Variants in GRAMD4 observed in about 807,000 individuals in gnomAD.
GRAMD4 encodes the protein GRAM domain containing 4.
A neutral mutation model predicts 83.9 loss-of-function variants in GRAMD4; 25 were observed. That is an observed-to-expected ratio of 0.30 (90% CI 0.22 to 0.42). The LOEUF (loss-of-function observed/expected upper bound fraction) is 0.42. Among genes scored for constraint, GRAMD4 ranks in the 10% least tolerant of loss-of-function variants. The pLI, the probability that GRAMD4 is intolerant of heterozygous loss-of-function variation, is 1.00. For synonymous variants in GRAMD4, 336 were observed against 320.9 expected (o/e 1.05, Z -0.50); for missense variants, 593 against 788.7 (o/e 0.75, Z 2.97).
intron 2 of GRAMD4, among the ~76,000 whole-genome samples, chr22:46,632,025 A>G (rs1445367031): frequency 6.6e-6 from 1 of 151,990 alleles, no homozygotes; most frequent in East Asian, 1.9e-4. Context: ...GTGTCTTTTC[A>G]TCTCTGGCCG....
At chr22:46,661,330 T>C in intron 4 of GRAMD4, 51 bp from the exon 5 acceptor site, 1 of 1,456,832 alleles carries the variant, frequency 6.9e-7, no homozygotes, top group Non-Finnish European at 9.6e-7. Context: ...TGACTGGGCA[T>C]GGAGTTTGGA....
intron 10 of GRAMD4, 69 bp downstream of exon 10, chr22:46,666,942 C>A (rs1017846250): frequency 1.7e-6 from 2 of 1,161,044 alleles, no homozygotes; most frequent in Non-Finnish European, 2.4e-6. Context: ...AGCCTGTAGG[C>A]ACCGCTCGGG....
chr22:46,586,142 C>T (rs376643480), intron 1 of GRAMD4, among the ~76,000 whole-genome samples: 1 of 152,006 alleles, frequency 6.6e-6, no homozygotes, highest in East Asian at 1.9e-4. Flanking sequence ...GCCAGGGCTG[C>T]CCTCGCTGGG....
intron 18 of GRAMD4, 44 bp downstream of exon 18, chr22:46,676,712 A>G (rs752667805): frequency 4.0e-6 from 6 of 1,517,700 alleles, no homozygotes; most frequent in East Asian, 4.9e-5. Context: ...GTGTGGGCCC[A>G]GGGGCCTGAC....
chr22:46,661,238 A>C, intron 4 of GRAMD4, 143 bp from the exon 5 acceptor site: 1 of 626,930 alleles, frequency 1.6e-6, no homozygotes, highest in East Asian at 2.6e-5. Flanking sequence ...CCAGCATTTC[A>C]GCAGTGGAGA....
At chr22:46,639,153 AGTGTGTGTGT>A (rs3081630) in intron 3 of GRAMD4, among the ~76,000 whole-genome samples, 35 of 149,726 alleles carry the variant, frequency 2.3e-4, no homozygotes, top group African/African-American at 4.2e-4. Context: ...TGTGTGCGTG[AGTGTGTGTGT>A]GTGTGTGTGT....
At chr22:46,647,907 C>T (rs2082093966) in intron 3 of GRAMD4, among the ~76,000 whole-genome samples, 1 of 152,248 alleles carries the variant, frequency 6.6e-6, no homozygotes, top group African/African-American at 2.4e-5. Context: ...TCCTGATGTC[C>T]CAGCTCTGTA....
Position 46,622,739 on chromosome 22 carries a change from C to G in GRAMD4, c.-50+2174C>G, listed in dbSNP as rs2081593642. On this transcript the variant is annotated intron_variant, in intron 1 of 18. Transcript: ENST00000406902. The surrounding 1 kb of genome is among the most constrained non-coding windows in gnomAD (Gnocchi z 4.0). ...CCATCCTGGCTAACATGGCGAAACT[C>G]CGTCTCTACTAAAAATACAAAAAAT... Among the ~76,000 whole-genome samples the G allele has an allele frequency of 6.6e-6, 1 of 152,058 alleles. No individual in the cohort carries two copies. Among genetic ancestry groups the G allele is most frequent in the Non-Finnish European group, 1.5e-5 (1 of 68,014 alleles).
chr22:46,577,887 A>G (rs1056413326), intron 1 of GRAMD4, among the ~76,000 whole-genome samples: 2 of 152,196 alleles, frequency 1.3e-5, no homozygotes. Flanking sequence ...TGCGCCTGCC[A>G]GAACGTGGGG....
intron 1 of GRAMD4, among the ~76,000 whole-genome samples, chr22:46,599,502 T>C (rs1000256600): frequency 2.0e-5 from 3 of 151,896 alleles, no homozygotes; most frequent in African/African-American, 4.8e-5. Flanking sequence ...TATTTTTGTA[T>C]TTTTAGTAGA....
chr22:46,612,817 C>T (rs1053082573), intron 1 of GRAMD4, among the ~76,000 whole-genome samples: 1 of 152,240 alleles, frequency 6.6e-6, no homozygotes, highest in African/African-American at 2.4e-5. Context: ...AGTGGGTGGC[C>T]GAAGGCTGCT....
At chr22:46,663,530 A>G (rs2082362473) in intron 6 of GRAMD4, among the ~76,000 whole-genome samples, 1 of 152,154 alleles carries the variant, frequency 6.6e-6, no homozygotes, top group Non-Finnish European at 1.5e-5. Context: ...GGGGGTCCCG[A>G]GGGAGCTAGG....
Position 46,620,716 on chromosome 22 carries a change from C to T in GRAMD4, c.-50+151C>T, listed in dbSNP as rs1248840042. Among the ~76,000 whole-genome samples the T allele has an allele frequency of 1.3e-5, 2 of 152,118 alleles. No individual in the cohort carries two copies. Among genetic ancestry groups the T allele is most frequent in the Non-Finnish European group, 2.9e-5 (2 of 68,004 alleles). The stretch of plus-strand genomic sequence containing the variant: ...ATCTTGATCTTGAAAGGCAGGCTCC[C>T]TCCCAAGGCCGGGTGCAGGCCAGAC... On this transcript the variant is annotated intron_variant, in intron 1 of 18. Coordinates refer to ENST00000406902, the MANE Select transcript of GRAMD4 (RefSeq NM_015124.5). This position sits in a 1 kb window ranked among gnomAD's most constrained non-coding sequence, Gnocchi z 4.7.
At chr22:46,607,747 G>A (rs1443045727) in intron 1 of GRAMD4, among the ~76,000 whole-genome samples, 2 of 152,200 alleles carry the variant, frequency 1.3e-5, no homozygotes, top group Non-Finnish European at 2.9e-5. Context: ...TGCTCGGAAT[G>A]GGACCGAGTG....
At chr22:46,613,976 C>A (rs1477721311) in intron 1 of GRAMD4, among the ~76,000 whole-genome samples, 1 of 152,204 alleles carries the variant, frequency 6.6e-6, no homozygotes, top group Non-Finnish European at 1.5e-5. Flanking sequence ...GTCATGGCCG[C>A]GGCTGCAGCA....
intron 2 of GRAMD4, among the ~76,000 whole-genome samples, chr22:46,634,108 G>A (rs181661356): frequency 3.9e-4 from 60 of 152,352 alleles, no homozygotes; most frequent in African/African-American, 1.4e-3. Context: ...AACAGAGTAA[G>A]TGAAGTATTT....
chr22:46,608,631 A>G (rs918255071), intron 1 of GRAMD4, among the ~76,000 whole-genome samples: 8 of 152,178 alleles, frequency 5.3e-5, no homozygotes, highest in Non-Finnish European at 1.2e-4. Flanking sequence ...GTGAGCCAAG[A>G]TTGCATTACT....
At position 46,677,490 on chromosome 22, in the gene GRAMD4, C is replaced by G; in HGVS notation, c.*239C>G. The G allele has an allele frequency of 7.8e-7, 1 of 1,284,678 alleles. No individual in the cohort carries two copies. The highest frequency in any genetic ancestry group is 9.9e-7 in the Non-Finnish European group (1 of 1,012,306). 79.6% of individuals were successfully genotyped at this position (1,284,678 alleles called of 1,614,324 possible). A position where few individuals can be genotyped will look rare whatever the true frequency, so the allele number is the denominator to read the frequency against. ...CACGTCAGGTGCCTCTGAGGGCCACCCGCAGACTGGGGGAGGGGGCAGAGG... is the reference window on the plus strand; with the variant it reads ...CACGTCAGGTGCCTCTGAGGGCCACGCGCAGACTGGGGGAGGGGGCAGAGG... On this transcript the variant is annotated 3_prime_UTR_variant, in exon 19 of 19. Coordinates refer to ENST00000406902, the MANE Select transcript of GRAMD4 (RefSeq NM_015124.5).
In GRAMD4 at chr22:46,679,072, A is replaced by T; in HGVS notation, c.*1821A>T. 1 of 985,628 alleles carries T rather than the reference A, an allele frequency of 1.0e-6. No individual in the cohort carries two copies. The highest frequency in any genetic ancestry group is 1.2e-6 in the Non-Finnish European group (1 of 829,998). The allele number at this position is 985,628 out of a possible 1,614,324, so 61.1% of individuals were successfully genotyped here. ...GAACCCCACCTTGGCGCCTGAGGCA[A>T]CACAGGGTGGGCACTGACCCACCCC... On this transcript the variant is annotated 3_prime_UTR_variant, in exon 19 of 19. Transcript: ENST00000406902.
Sources: gnomAD v4.1 joint callset for allele counts (sites outside exome capture counted in the v4.1 genomes callset) on GRCh38, gnomAD v4.1.1 for gene constraint, Gnocchi (gnomAD v3.1) non-coding constraint, MANE v1.5 for transcripts, NCBI Gene and HGNC (gene_info 2026-07-23, HGNC 2026-07-21) for gene names.